TSPAN18: variants seen among roughly 807,000 people sequenced by gnomAD.
The protein encoded by TSPAN18 is tetraspanin-18.
Under a neutral mutation model 27.3 loss-of-function variants are expected in TSPAN18, and 14 were observed. That is an observed-to-expected ratio of 0.51 (90% CI 0.34 to 0.80). The LOEUF is 0.80. TSPAN18 is among the 30% of genes least tolerant of loss of function. The pLI, the probability that TSPAN18 is intolerant of heterozygous loss-of-function variation, is 0.01. For missense variants in TSPAN18, 268 were observed against 323.9 expected (o/e 0.83, Z 1.32); for synonymous variants, 143 against 136.5 (o/e 1.05, Z -0.33).
At chr11:44,862,206 C>T (rs545965894) in intron 3 of TSPAN18, among the ~76,000 whole-genome samples, 2 of 152,352 alleles carry the variant, frequency 1.3e-5, no homozygotes, top group South Asian at 4.1e-4. Context: ...CGAGGGTACA[C>T]GTGGCCAGGC....
At chr11:44,887,370 CTG>C (rs1184673206) in intron 3 of TSPAN18, among the ~76,000 whole-genome samples, 2 of 152,352 alleles carry the variant, frequency 1.3e-5, no homozygotes, top group South Asian at 2.1e-4. Context: ...TTCATACATG[CTG>C]ACTGTACTCA....
At chr11:44,820,036 C>G (rs1213781722) in intron 2 of TSPAN18, among the ~76,000 whole-genome samples, 1 of 152,122 alleles carries the variant, frequency 6.6e-6, no homozygotes, top group Admixed American at 6.5e-5. Flanking sequence ...AAGGTCTAGT[C>G]AGGGCTTAAG....
At chr11:44,902,454 TG>T (rs1859296724) in intron 3 of TSPAN18, among the ~76,000 whole-genome samples, 1 of 152,196 alleles carries the variant, frequency 6.6e-6, no homozygotes, top group Admixed American at 6.5e-5. Context: ...AATGGTATCC[TG>T]GGGGACCGTT....
intron 1 of TSPAN18, among the ~76,000 whole-genome samples, chr11:44,746,750 C>T (rs1229426613): frequency 6.6e-6 from 1 of 152,186 alleles, no homozygotes; most frequent in African/African-American, 2.4e-5. Context: ...GAATGAGACC[C>T]TCTCTCAAAA....
In TSPAN18 at chr11:44,908,822, A is replaced by AGAAAGGAAAGAAAGAAAGAAAG. The variant is rs1564993363; in HGVS notation, c.64-878_64-877insGAAAGAAAGAAAGAAAGGAAAG. Among the ~76,000 whole-genome samples, 15 of 111,538 alleles carry AGAAAGGAAAGAAAGAAAGAAAG rather than the reference A, an allele frequency of 1.3e-4. 1 individual carries two copies. Among genetic ancestry groups the AGAAAGGAAAGAAAGAAAGAAAG allele is most frequent in the African/African-American group, 6.0e-4 (15 of 24,866 alleles). 73.2% of individuals were successfully genotyped at this position (111,538 alleles called of 152,430 possible). The stretch of plus-strand genomic sequence containing the variant: ...AAGAAAGAAAGAAAGAAAGAAAGAA[A>AGAAAGGAAAGAAAGAAAGAAAG]GAAAGAAAAAGAAAAATGGAGCAGA... On this transcript the variant is annotated intron_variant, in intron 4 of 9. Transcript: ENST00000520358.
At chr11:44,751,692 T>A (rs887235808) in intron 1 of TSPAN18, among the ~76,000 whole-genome samples, 1 of 151,978 alleles carries the variant, frequency 6.6e-6, no homozygotes, top group Non-Finnish European at 1.5e-5. Flanking sequence ...CCAAGGTGGG[T>A]CAGGAGTTGA....
chr11:44,870,607 C>T (rs994617838), intron 3 of TSPAN18, among the ~76,000 whole-genome samples: 12 of 152,192 alleles, frequency 7.9e-5, no homozygotes, highest in Non-Finnish European at 1.8e-4. Context: ...ATCCTGATCA[C>T]ATAGAGTGCC....
chr11:44,926,904 G>A (rs986525730), intron 9 of TSPAN18, 147 bp downstream of exon 9: 26 of 728,356 alleles, frequency 3.6e-5, no homozygotes, highest in Admixed American at 1.4e-4. Context: ...TGGTAAGCCC[G>A]GCTGTGTCTG....
intron 2 of TSPAN18, among the ~76,000 whole-genome samples, chr11:44,774,483 A>G (rs41358444): frequency 0.071 from 10,797 of 152,068 alleles, 564 homozygotes; most frequent in African/African-American, 0.15. Flanking sequence ...TGACCTCAAA[A>G]CCTCTCTATT....
At chr11:44,869,157 A>AC (rs1480402188) in intron 3 of TSPAN18, among the ~76,000 whole-genome samples, 1 of 152,134 alleles carries the variant, frequency 6.6e-6, no homozygotes, top group Non-Finnish European at 1.5e-5. Flanking sequence ...GGCCTTGCAG[A>AC]CTGGGCCGGG....
intron 2 of TSPAN18, among the ~76,000 whole-genome samples, chr11:44,827,387 T>C (rs868147970): frequency 2.0e-5 from 3 of 152,216 alleles, no homozygotes; most frequent in Admixed American, 1.3e-4. Context: ...TCTTGGACCC[T>C]GAATGTCTGT....
rs1590671451 is a variant in TSPAN18, at chr11:44,908,831, A to AGAAAG, written c.64-874_64-873insGAAAG. 1.5e-3 allele frequency among the ~76,000 whole-genome samples: 140 copies of AGAAAG among 96,234 alleles called. 5 individuals carry two copies. The highest frequency in any genetic ancestry group is 2.5e-3 in the Non-Finnish European group (112 of 45,412). The allele number at this position is 96,234 out of a possible 152,430, so 63.1% of individuals were successfully genotyped here. The stretch of plus-strand genomic sequence containing the variant: ...AGAAAGAAAGAAAGAAAGAAAGAAA[A>AGAAAG]AGAAAAATGGAGCAGATATTTATTG... On this transcript the variant is annotated intron_variant, in intron 4 of 9. Transcript: ENST00000520358.
intron 2 of TSPAN18, among the ~76,000 whole-genome samples, chr11:44,827,103 C>G (rs1385464959): frequency 1.3e-5 from 2 of 152,222 alleles, no homozygotes; most frequent in Non-Finnish European, 2.9e-5. Flanking sequence ...GTGGATCCCG[C>G]CAACTCTGCC....
intron 3 of TSPAN18, among the ~76,000 whole-genome samples, chr11:44,881,361 C>T (rs1314674197): frequency 6.6e-6 from 1 of 152,150 alleles, no homozygotes; most frequent in Non-Finnish European, 1.5e-5. Context: ...CAGCCGCCGC[C>T]CCTGAACACC....
intron 3 of TSPAN18, chr11:44,886,131 C>G (rs887616945): frequency 6.6e-6 from 1 of 152,258 alleles, no homozygotes; most frequent in African/African-American, 2.4e-5. Context: ...CCGGAAGACA[C>G]CTGTTGCCTC....
intron 2 of TSPAN18, among the ~76,000 whole-genome samples, chr11:44,788,050 C>T (rs1469283764): frequency 6.6e-6 from 1 of 152,190 alleles, no homozygotes; most frequent in Non-Finnish European, 1.5e-5. Context: ...AAAGGTTGAG[C>T]ATGGAAATGG....
At chr11:44,784,777 A>G (rs1465087877) in intron 2 of TSPAN18, among the ~76,000 whole-genome samples, 1 of 152,176 alleles carries the variant, frequency 6.6e-6, no homozygotes, top group South Asian at 2.1e-4. Flanking sequence ...GCACAAGTAC[A>G]TTCTCTCCAT....
intron 5 of TSPAN18, chr11:44,917,725 G>T: frequency 1.8e-6 from 1 of 543,228 alleles, no homozygotes; most frequent in South Asian, 2.3e-5. Context: ...CCTCTCTAAG[G>T]GTACCATTTG....
chr11:44,817,613 T>C (rs1468607235), intron 2 of TSPAN18, among the ~76,000 whole-genome samples: 4 of 152,254 alleles, frequency 2.6e-5, no homozygotes, highest in Non-Finnish European at 5.9e-5. Context: ...CAGTCATGCC[T>C]CTGCTCTGAC....
Sources: gnomAD v4.1 joint callset for allele counts (sites outside exome capture counted in the v4.1 genomes callset) on GRCh38, gnomAD v4.1.1 for gene constraint, MANE v1.5 for transcripts, NCBI Gene and HGNC (gene_info 2026-07-23, HGNC 2026-07-21) for gene names.